Variants in CACNG5 observed in about 807,000 individuals in gnomAD.
CACNG5 encodes the protein calcium voltage-gated channel auxiliary subunit gamma 5.
A neutral mutation model predicts 24.8 loss-of-function variants in CACNG5; 18 were observed. The ratio of observed to expected loss-of-function variants is 0.73; its 90% CI spans 0.50 to 1.08. The LOEUF is 1.08. CACNG5 is among the 50% of genes least tolerant of loss of function. The pLI, the probability that CACNG5 is intolerant of heterozygous loss-of-function variation, is 0.00. For missense variants in CACNG5, 349 were observed against 367.9 expected (o/e 0.95, Z 0.42); for synonymous variants, 157 against 149.1 (o/e 1.05, Z -0.39).
rs1977249204 is a variant in CACNG5 at position 66,885,672 on chromosome 17, G to A, written c.*432G>A. Among the ~76,000 whole-genome samples the A allele has an allele frequency of 6.6e-6, 1 of 152,204 alleles. No homozygotes were observed. Among genetic ancestry groups the A allele is most frequent in the Non-Finnish European group, 1.5e-5 (1 of 68,044 alleles). ...ACTCGTGCACTTGCCAACTGGCCTG[G>A]CCATTCACATTCAAGATCTGCACCA... On this transcript the variant is annotated 3_prime_UTR_variant, in exon 6 of 6. Coordinates refer to ENST00000533854, the MANE Select transcript of CACNG5 (RefSeq NM_145811.3).
At chr17:66,869,576 C>A (rs1265189153) in intron 1 of CACNG5, among the ~76,000 whole-genome samples, 1 of 152,148 alleles carries the variant, frequency 6.6e-6, no homozygotes. Context: ...AGCATTACAT[C>A]CCAGATTTGC....
intron 1 of CACNG5, among the ~76,000 whole-genome samples, chr17:66,872,605 T>C (rs1977024898): frequency 6.6e-6 from 1 of 152,232 alleles, no homozygotes; most frequent in South Asian, 2.1e-4. Flanking sequence ...AAGCACTGGG[T>C]CAGGATCTAA....
chr17:66,855,298 A>G (rs916742774), intron 1 of CACNG5, among the ~76,000 whole-genome samples: 1 of 152,112 alleles, frequency 6.6e-6, no homozygotes, highest in East Asian at 1.9e-4. Context: ...TTGCGGCAGG[A>G]ATGGGAACCC....
chr17:66,884,140 GAA>G (rs67618988), intron 4 of CACNG5, among the ~76,000 whole-genome samples: 2,085 of 104,100 alleles, frequency 0.02, 26 homozygotes, highest in South Asian at 0.095. Context: ...CTCAAAAAAA[GAA>G]AAAAAAAAAA....
rs200192016 is a variant in CACNG5 at position 66,894,513 on chromosome 17, T to C, written c.*9273T>C. On this transcript the variant is annotated 3_prime_UTR_variant, in exon 6 of 6. Coordinates refer to ENST00000533854, the MANE Select transcript of CACNG5 (RefSeq NM_145811.3). ...ATTTCATTTTATTTGCTTTGAATCC[T>C]AGTGCAGAATCTGAGTTAGTTACCC... Among the ~76,000 whole-genome samples the C allele has an allele frequency of 7.6e-4, 116 of 152,306 alleles. 1 individual carries two copies. The highest frequency in any genetic ancestry group is 2.7e-3 in the African/African-American group (112 of 41,568).
chr17:66,880,264 G>A (rs1358375682), intron 3 of CACNG5, among the ~76,000 whole-genome samples: 1 of 152,228 alleles, frequency 6.6e-6, no homozygotes, highest in Admixed American at 6.5e-5. Flanking sequence ...CTCCATATTG[G>A]CAGACAGTGT....
At chr17:66,852,947 T>A (rs1386395974) in intron 1 of CACNG5, among the ~76,000 whole-genome samples, 1 of 151,302 alleles carries the variant, frequency 6.6e-6, no homozygotes, top group Non-Finnish European at 1.5e-5. Context: ...CTTTCTCTCT[T>A]CTCCTCCTCT....
chr17:66,850,784 G>A (rs946183062), intron 1 of CACNG5, among the ~76,000 whole-genome samples: 10 of 152,150 alleles, frequency 6.6e-5, no homozygotes, highest in African/African-American at 2.2e-4. Flanking sequence ...TGAAAAATAT[G>A]TACTGAATTT....
In CACNG5 at chr17:66,887,191, G is replaced by A. The variant is rs750346636; in HGVS notation, c.*1951G>A. On this transcript the variant is annotated 3_prime_UTR_variant, in exon 6 of 6. Transcript: ENST00000533854. The stretch of plus-strand genomic sequence containing the variant: ...TCTCACAGCAGGGTGGAGGAGAAGG[G>A]TAAGAGAAGCCAGTTCTGGTCCCAA... Among the ~76,000 whole-genome samples the A allele has an allele frequency of 1.8e-4, 27 of 152,126 alleles. No homozygotes were observed. Among genetic ancestry groups the A allele is most frequent in the Non-Finnish European group, 3.8e-4 (26 of 68,032 alleles).
rs4791017 is a variant in CACNG5 at position 66,886,575 on chromosome 17, G to A, written c.*1335G>A. Among the ~76,000 whole-genome samples, 124,512 of 152,198 alleles carry A rather than the reference G, an allele frequency of 0.82. 51,598 individuals carry two copies. Among genetic ancestry groups the A allele is most frequent in the African/African-American group, 0.95 (39,473 of 41,538 alleles). On this transcript the variant is annotated 3_prime_UTR_variant, in exon 6 of 6. Coordinates refer to ENST00000533854, the MANE Select transcript of CACNG5 (RefSeq NM_145811.3). ...TGGTTTTGAGATTTTGAGTAGCAAA[G>A]CAATGCTGTGTGTCGCTGCTGTGCC...
At chr17:66,881,794 A>C (rs939135927) in intron 4 of CACNG5, among the ~76,000 whole-genome samples, 2 of 151,706 alleles carry the variant, frequency 1.3e-5, no homozygotes, top group African/African-American at 2.4e-5. Flanking sequence ...GAATTAGGCA[A>C]AGAAGTGAGG....
intron 1 of CACNG5, among the ~76,000 whole-genome samples, chr17:66,866,141 G>A (rs1193916879): frequency 1.3e-5 from 2 of 152,112 alleles, no homozygotes; most frequent in African/African-American, 4.8e-5. Context: ...GTAGAGAAAT[G>A]GCTACATCAA....
At chr17:66,878,445 C>T (rs1236529738) in intron 2 of CACNG5, among the ~76,000 whole-genome samples, 1 of 152,220 alleles carries the variant, frequency 6.6e-6, no homozygotes, top group African/African-American at 2.4e-5. Flanking sequence ...GAAGACACCT[C>T]AAGGTGTTGA....
intron 1 of CACNG5, among the ~76,000 whole-genome samples, chr17:66,837,477 G>T (rs747263831): frequency 1.3e-5 from 2 of 152,212 alleles, no homozygotes; most frequent in Non-Finnish European, 2.9e-5. Flanking sequence ...GCACATGCCT[G>T]CTCTGTCATC....
chr17:66,885,492 C>G lies in CACNG5; in HGVS notation c.*252C>G. ...GGGAGAAGCCCCGCCCATGTGAGTG[C>G]CAATCACAGCAGTGGCTCCAGGAAG... is the stretch of plus-strand genomic sequence containing the variant. On this transcript the variant is annotated 3_prime_UTR_variant, in exon 6 of 6. Coordinates refer to ENST00000533854, the MANE Select transcript of CACNG5 (RefSeq NM_145811.3). The G allele has an allele frequency of 2.0e-6, 1 of 491,992 alleles. No individual in the cohort carries two copies. The highest frequency in any genetic ancestry group is 3.6e-6 in the Non-Finnish European group (1 of 280,924). 30.5% of individuals were successfully genotyped at this position (491,992 alleles called of 1,614,324 possible).
chr17:66,836,940 T>A (rs951522704), intron 1 of CACNG5, among the ~76,000 whole-genome samples: 20 of 152,350 alleles, frequency 1.3e-4, no homozygotes, highest in Admixed American at 1.2e-3. Context: ...GGAGATTGGC[T>A]GAATTGTTCA....
At chr17:66,856,827 G>A (rs1041931859) in intron 1 of CACNG5, among the ~76,000 whole-genome samples, 6 of 151,840 alleles carry the variant, frequency 4.0e-5, no homozygotes, top group Non-Finnish European at 8.8e-5. Flanking sequence ...ACAGGTGTGA[G>A]CCACCACACC....
At chr17:66,878,836 G>A (rs949596974) in intron 2 of CACNG5, 136 bp from the exon 3 acceptor site, 43 of 687,726 alleles carry the variant, frequency 6.3e-5, no homozygotes, top group Non-Finnish European at 1.0e-4. Flanking sequence ...GACCCCCATA[G>A]GGTTTGGATC....
chr17:66,876,118 C>T (rs1400479455), intron 1 of CACNG5, among the ~76,000 whole-genome samples: 1 of 152,208 alleles, frequency 6.6e-6, no homozygotes, highest in Middle Eastern at 3.2e-3. Context: ...ACTTTTCTAA[C>T]CAGCTGCATG....
Sources: allele counts gnomAD v4.1 joint callset (sites outside exome capture counted in the v4.1 genomes callset), GRCh38; gene constraint gnomAD v4.1.1; transcripts MANE v1.5; gene names NCBI Gene and HGNC (gene_info 2026-07-23, HGNC 2026-07-21).